LRP2: variants seen among roughly 807,000 people sequenced by gnomAD.
LRP2 encodes low-density lipoprotein receptor-related protein 2.
A neutral mutation model predicts 531.0 loss-of-function variants in LRP2; 172 were observed. That is an observed-to-expected ratio of 0.32 (90% confidence interval 0.29 to 0.37). LRP2 has a LOEUF of 0.37. LRP2 is among the 10% of genes least tolerant of loss of function. The pLI is 1.00. For synonymous variants in LRP2, 1,992 were observed against 2,027.6 expected, an observed-to-expected ratio of 0.98 and a Z score of 0.47; for missense variants, 5,167 against 5,868.3, an observed-to-expected ratio of 0.88 and a Z score of 3.90.
chr2:169,321,065 G>C (rs1381990318), intron 1 of LRP2, among the ~76,000 whole-genome samples, 181 bp from the exon 2 acceptor site: 1 of 152,128 alleles, frequency 6.6e-6, no homozygotes, highest in Non-Finnish European at 1.5e-5. Flanking sequence ...GAACATCCGT[G>C]GGAAGAAAGT....
At chr2:169,193,113 T>C (rs1269802140) in intron 47 of LRP2, among the ~76,000 whole-genome samples, 5 of 152,178 alleles carry the variant, frequency 3.3e-5, no homozygotes, top group Admixed American at 1.3e-4. Flanking sequence ...TTCATTGTTA[T>C]ACTGTGAAGG....
Position 169,226,725 on chromosome 2 carries a change from T to C in LRP2, c.5228-137A>G, listed in dbSNP as rs1689214146. On this transcript the variant is annotated intron_variant, in intron 31 of 78. Transcript: ENST00000649046. The stretch of plus-strand genomic sequence containing the variant: ...CATTGCAGCAATAAATATAATGTAC[T>C]TCATCAGACAAGCATGGGCCTTTCC... 1.2e-5 allele frequency: 9 copies of C among 727,808 alleles called. No homozygotes were observed. The South Asian group carries it at 1.4e-4, about 11-fold the overall frequency. The allele number at this position is 727,808 out of a possible 1,614,324, so 45.1% of individuals were successfully genotyped here. A position where few individuals can be genotyped will look rare whatever the true frequency, so the allele number is the denominator to read the frequency against.
rs759576950 is a variant in LRP2 at position 169,279,324 on chromosome 2, G to T, written c.1565+48C>A. ...TAGATGTTCAGTGTATAGAGGGAGAGAGAAAATTCTAAAAATACAGGAATC... is the reference window on the plus strand; with the variant it reads ...TAGATGTTCAGTGTATAGAGGGAGATAGAAAATTCTAAAAATACAGGAATC... On this transcript the variant is annotated intron_variant, in intron 12 of 78. Coordinates refer to ENST00000649046, the MANE Select transcript of LRP2 (RefSeq NM_004525.3). The T allele has an allele frequency of 1.6e-5, 22 of 1,388,428 alleles. 1 individual carries two copies. In the Middle Eastern group the frequency reaches 2.3e-3, roughly 144 times the overall value. 86.0% of individuals were successfully genotyped at this position (1,388,428 alleles called of 1,614,324 possible).
intron 15 of LRP2, 25 bp downstream of exon 15, chr2:169,272,902 A>G: frequency 6.2e-7 from 1 of 1,613,440 alleles, no homozygotes. Context: ...TCACCTGCCA[A>G]CAACGTCCAA....
chr2:169,146,854 A>G lies in LRP2; in HGVS notation c.12696T>C (p.Thr4232=), dbSNP rs1410401855. 1 of 1,614,208 alleles carries G rather than the reference A, an allele frequency of 6.2e-7. No individual in the cohort carries two copies. The highest frequency in any genetic ancestry group is 1.7e-5 in the Admixed American group (1 of 60,028). The change falls in exon 69 of 79, where the codon ACT becomes ACC. Residue 4232 remains threonine, a synonymous_variant. Transcript: ENST00000649046. ...ILVFEDLGWP[T]GLSIDYLNND... ...TGTTCAAATAATCGATAGAAAGGCC[A>G]GTTGGCCAACCAAGGTCCTCGAAAA... is the stretch of plus-strand genomic sequence containing the variant.
intron 31 of LRP2, among the ~76,000 whole-genome samples, chr2:169,229,982 T>C (rs535866726): frequency 6.6e-6 from 1 of 152,324 alleles, no homozygotes; most frequent in African/African-American, 2.4e-5. Context: ...TCATTTAACA[T>C]ATATTGGCAA....
At chr2:169,156,844 T>C (rs577093872) in intron 64 of LRP2, among the ~76,000 whole-genome samples, 1 of 152,340 alleles carries the variant, frequency 6.6e-6, no homozygotes, top group African/African-American at 2.4e-5. Context: ...CAAAAGGAAC[T>C]CTTACAATCT....
chr2:169,230,339 C>T (rs1170930371), intron 31 of LRP2, among the ~76,000 whole-genome samples: 1 of 152,214 alleles, frequency 6.6e-6, no homozygotes, highest in African/African-American at 2.4e-5. Flanking sequence ...AAGTGCCAGT[C>T]CCTCTGTGAG....
At chr2:169,148,081 G>A (rs369553972) in intron 68 of LRP2, among the ~76,000 whole-genome samples, 5 of 152,212 alleles carry the variant, frequency 3.3e-5, no homozygotes, top group African/African-American at 7.2e-5. Flanking sequence ...TTCTACTGAC[G>A]AATGTGTGGA....
intron 33 of LRP2, among the ~76,000 whole-genome samples, chr2:169,221,003 A>G (rs553500229): frequency 2.0e-4 from 31 of 152,154 alleles, no homozygotes; most frequent in Middle Eastern, 3.2e-3. Flanking sequence ...GTTGATCAAA[A>G]TAGTCCAAAT....
At chr2:169,358,478 A>T (rs868330034) in intron 1 of LRP2, among the ~76,000 whole-genome samples, 17 of 152,338 alleles carry the variant, frequency 1.1e-4, no homozygotes, top group Middle Eastern at 6.8e-3. Context: ...AGTCTTATGA[A>T]GACTGGTAAA....
intron 21 of LRP2, 50 bp from the exon 22 acceptor site, chr2:169,244,982 T>A: frequency 1.2e-6 from 2 of 1,610,006 alleles, no homozygotes; most frequent in Non-Finnish European, 1.7e-6. Context: ...TACAGCCTTT[T>A]AAATGAGTTC....
At chr2:169,131,416 G>T (rs1401323746) in intron 77 of LRP2, among the ~76,000 whole-genome samples, 5 of 152,180 alleles carry the variant, frequency 3.3e-5, no homozygotes, top group African/African-American at 1.2e-4. Flanking sequence ...CAATGTTTAA[G>T]GTGATAATGA....
intron 61 of LRP2, among the ~76,000 whole-genome samples, chr2:169,167,436 T>A (rs1198441512): frequency 6.6e-6 from 1 of 152,174 alleles, no homozygotes; most frequent in African/African-American, 2.4e-5. Context: ...AGGTCTTGTC[T>A]CCTAGGTTAA....
Position 169,158,059 on chromosome 2 carries a change from T to TACAC in LRP2, c.11888-558_11888-557insGTGT, listed in dbSNP as rs765403252. Among the ~76,000 whole-genome samples the TACAC allele has an allele frequency of 6.9e-3, 568 of 82,572 alleles. 2 individuals carry two copies. The highest frequency in any genetic ancestry group is 0.016 in the African/African-American group (344 of 20,974). 54.2% of individuals were successfully genotyped at this position (82,572 alleles called of 152,430 possible). On this transcript the variant is annotated intron_variant, in intron 63 of 78. Transcript: ENST00000649046. ...TTCCCTAACATTGACCAATTGATTA[T>TACAC]ATACACACACACACACACACACACA...
intron 16 of LRP2, among the ~76,000 whole-genome samples, chr2:169,261,720 G>A (rs1690562927): frequency 6.6e-6 from 1 of 152,068 alleles, no homozygotes; most frequent in Non-Finnish European, 1.5e-5. Context: ...TAGAAAAAGA[G>A]GGAATCCTCC....
At chr2:169,319,141 CA>C (rs1266711060) in intron 2 of LRP2, among the ~76,000 whole-genome samples, 4 of 152,140 alleles carry the variant, frequency 2.6e-5, no homozygotes, top group Non-Finnish European at 5.9e-5. Context: ...AGCACACATA[CA>C]CACAAAAAAA....
At chr2:169,231,665 A>C in intron 31 of LRP2, 49 bp downstream of exon 31, 1 of 1,612,178 alleles carries the variant, frequency 6.2e-7, no homozygotes, top group Non-Finnish European at 8.5e-7. Context: ...GCTTGGCACA[A>C]ACTATGACCA....
intron 1 of LRP2, among the ~76,000 whole-genome samples, chr2:169,361,344 C>G (rs1054888431): frequency 2.2e-5 from 1 of 46,306 alleles, no homozygotes; most frequent in Non-Finnish European, 4.5e-5. Context: ...CTCTCTGTCT[C>G]TCTCTGTCTC....
Sources: allele counts gnomAD v4.1 joint callset (sites outside exome capture counted in the v4.1 genomes callset), GRCh38; gene constraint gnomAD v4.1.1; transcripts MANE v1.5; gene names NCBI Gene and HGNC (gene_info 2026-07-23, HGNC 2026-07-21).